Variants in FLI1 observed in about 807,000 individuals in gnomAD.
The protein encoded by FLI1 is Friend leukemia integration 1 transcription factor.
FLI1 carries 13 observed loss-of-function variants against 53.1 expected under a neutral mutation model. The ratio of observed to expected loss-of-function variants is 0.24; its 90% confidence interval spans 0.16 to 0.39. FLI1 has a LOEUF of 0.39. Ranked by LOEUF, FLI1 falls within the 10% of genes least tolerant of loss-of-function variation. The pLI, the probability that FLI1 is intolerant of heterozygous loss-of-function variation, is 1.00. For synonymous variants in FLI1, 244 were observed against 236.7 expected (o/e 1.03, Z -0.28); for missense variants, 424 against 600.5 (o/e 0.71, Z 3.07).
chr11:128,732,009 A>AG (rs146413451), intron 1 of FLI1, among the ~76,000 whole-genome samples: 2,294 of 151,710 alleles, frequency 0.015, 64 homozygotes, highest in African/African-American at 0.052. Flanking sequence ...TCTCAAAAAA[A>AG]AAAAGAAAAG....
At chr11:128,805,766 T>C (rs563717812) in intron 6 of FLI1, 45 of 227,080 alleles carry the variant, frequency 2.0e-4, no homozygotes, top group African/African-American at 1.0e-3. Flanking sequence ...TGACTCTCTA[T>C]AATTTTGCTC....
rs754336205 is a variant in FLI1, at chr11:128,810,923, C to T, written c.1294C>T (p.Pro432Ser). Residue 432 changes from proline to serine, a missense_variant, in exon 9 of 9, where the codon CCC becomes TCC. Around this residue, in one of 5 missense-constraint regions of FLI1, gnomAD observed 87 missense variants for 100.0 expected, o/e 0.87. Coordinates refer to ENST00000527786, the MANE Select transcript of FLI1 (RefSeq NM_002017.5). The surrounding 1 kb of genome is among the most constrained non-coding windows in gnomAD (Gnocchi z 6.6). ...GACCTCCCCCACGGGGGGAATCTAC[C>T]CCAACCCCAACGTCCCCCGCCATCC... ...YWTSPTGGIY[P>S]NPNVPRHPNT... The T allele has an allele frequency of 6.2e-7, 1 of 1,614,008 alleles. No homozygotes were observed. Among genetic ancestry groups the T allele is most frequent in the Non-Finnish European group, 8.5e-7 (1 of 1,179,890 alleles).
At position 128,713,684 on chromosome 11, in the gene FLI1, G is replaced by T. The variant is rs140359057; in HGVS notation, c.18+19408G>T. ...AGGGTTCTATGAAAGGGGAAGTATG[G>T]GGTGCCTCGGGAGGGCACAACGTGG... is the stretch of plus-strand genomic sequence containing the variant. On this transcript the variant is annotated intron_variant, in intron 1 of 8. Coordinates refer to ENST00000527786, the MANE Select transcript of FLI1 (RefSeq NM_002017.5). 3.9e-3 allele frequency among the ~76,000 whole-genome samples: 589 copies of T among 152,166 alleles called. 1 individual carries two copies. The highest frequency in any genetic ancestry group is 0.013 in the African/African-American group (540 of 41,504).
chr11:128,741,993 G>A (rs77228550), intron 1 of FLI1, among the ~76,000 whole-genome samples: 1 of 152,198 alleles, frequency 6.6e-6, no homozygotes, highest in Middle Eastern at 3.4e-3. Context: ...GGACCTTATT[G>A]TTATTTCATC....
At chr11:128,789,770 G>A (rs116978987) in intron 5 of FLI1, among the ~76,000 whole-genome samples, 28 of 152,092 alleles carry the variant, frequency 1.8e-4, no homozygotes, top group South Asian at 6.2e-4. Context: ...AGAGTGCAGC[G>A]TATGGGGGCT....
intron 1 of FLI1, among the ~76,000 whole-genome samples, chr11:128,743,513 G>A (rs548529011): frequency 7.2e-5 from 11 of 152,230 alleles, no homozygotes; most frequent in South Asian, 6.2e-4. Context: ...TTTTTGAGGC[G>A]GTTTGGGACA....
At chr11:128,685,961 G>A (rs1482262995), upstream of FLI1, 4 of 188,444 alleles carry the variant, frequency 2.1e-5, no homozygotes, top group Admixed American at 2.2e-4. Context: ...ACCTAAGTAA[G>A]ACTCTCCTGC....
chr11:128,732,014 G>A (rs924010230), intron 1 of FLI1, among the ~76,000 whole-genome samples: 2 of 135,226 alleles, frequency 1.5e-5, no homozygotes, highest in African/African-American at 2.9e-5. Flanking sequence ...AAAAAAAAAA[G>A]AAAAGAAAAG....
At chr11:128,721,580 C>T (rs1418855543) in intron 1 of FLI1, among the ~76,000 whole-genome samples, 2 of 152,184 alleles carry the variant, frequency 1.3e-5, no homozygotes, top group Non-Finnish European at 2.9e-5. Flanking sequence ...TCTCTTTATA[C>T]AAGATCAATT....
chr11:128,689,398 C>G (rs551184722), upstream of FLI1, among the ~76,000 whole-genome samples: 3 of 152,230 alleles, frequency 2.0e-5, no homozygotes, highest in African/African-American at 7.2e-5. Context: ...TCCTTTTTTT[C>G]TCCTTGTGTA....
intron 2 of FLI1, among the ~76,000 whole-genome samples, chr11:128,762,198 C>A (rs905093654): frequency 6.6e-6 from 1 of 152,330 alleles, no homozygotes; most frequent in Admixed American, 6.5e-5. Context: ...GAACACTGTG[C>A]TTCTCCTATC....
At chr11:128,797,734 A>G (rs1458984224) in intron 5 of FLI1, among the ~76,000 whole-genome samples, 4 of 152,230 alleles carry the variant, frequency 2.6e-5, no homozygotes, top group Admixed American at 6.5e-5. Flanking sequence ...ATAAGGCATC[A>G]ATTAAATCCA....
chr11:128,715,063 T>C (rs1938954841), intron 1 of FLI1, among the ~76,000 whole-genome samples: 1 of 152,118 alleles, frequency 6.6e-6, no homozygotes, highest in Non-Finnish European at 1.5e-5. Context: ...CCATCTATCA[T>C]GACTCGCACG....
rs12289432 is a variant in FLI1 at position 128,729,313 on chromosome 11, G to C, written c.19-28802G>C. ...GATTTATCTCACAGGTGGGAGGGAA[G>C]AACTGCTGGCAACCCTTCTCTCAGG... On this transcript the variant is annotated intron_variant, in intron 1 of 8. Transcript: ENST00000527786. Among the ~76,000 whole-genome samples the C allele has an allele frequency of 9.3e-3, 1,411 of 152,314 alleles. 19 individuals carry two copies. The highest frequency in any genetic ancestry group is 0.032 in the African/African-American group (1,340 of 41,564).
chr11:128,711,440 T>C (rs1431672391), intron 1 of FLI1, among the ~76,000 whole-genome samples: 1 of 152,236 alleles, frequency 6.6e-6, no homozygotes, highest in East Asian at 1.9e-4. Context: ...GGAGCTAAGT[T>C]TTCTATCCCG....
At chr11:128,808,729 A>T (rs199908816) in intron 7 of FLI1, among the ~76,000 whole-genome samples, 2 of 139,998 alleles carry the variant, frequency 1.4e-5, no homozygotes, top group African/African-American at 2.8e-5. Flanking sequence ...TGCTACATTT[A>T]AAAAAAAAAA....
chr11:128,776,277 C>CG (rs1263211980), intron 4 of FLI1, among the ~76,000 whole-genome samples: 1 of 151,806 alleles, frequency 6.6e-6, no homozygotes. Flanking sequence ...CACACAGGCG[C>CG]CCACCCCTCC....
chr11:128,768,242 A>G lies in FLI1; in HGVS notation c.355A>G (p.Thr119Ala). The change falls in exon 3 of 9, where the codon ACC becomes GCC. Residue 119 changes from threonine (T) to alanine (A), a missense_variant. Physicochemically the swap from Thr to Ala is moderately conservative, Grantham distance 58. This residue lies in a region of FLI1 where 137 missense variants were observed against 169.1 expected (regional missense o/e 0.81). Transcript: ENST00000527786. ...KNGPPPPNMT[T>A]NERRVIVPAD... ...TGGCCCCCCTCCTCCCAACATGACC[A>G]CCAACGAGAGGAGAGTCATCGTCCC... 2 of 1,613,870 alleles carry G rather than the reference A, an allele frequency of 1.2e-6. No homozygotes were observed. The highest frequency in any genetic ancestry group is 2.2e-5 in the South Asian group (2 of 91,070).
chr11:128,774,701 G>A lies in FLI1; in HGVS notation c.589+1716G>A, dbSNP rs538067458. Among the ~76,000 whole-genome samples the A allele has an allele frequency of 3.3e-5, 5 of 152,294 alleles. No individual in the cohort carries two copies. In the South Asian group the frequency reaches 6.2e-4, roughly 19 times the overall value. ...GCCCAGTGCTTCGAGACTCTTCGGC[G>A]GATGCCCTTGTTGGGAGAATGTTCA... On this transcript the variant is annotated intron_variant, in intron 4 of 8. Transcript: ENST00000527786.
Sources: gnomAD v4.1 joint callset for allele counts (sites outside exome capture counted in the v4.1 genomes callset) on GRCh38, gnomAD v4.1.1 for gene constraint, gnomAD v4.1.1 regional missense constraint, Gnocchi (gnomAD v3.1) non-coding constraint, MANE v1.5 for transcripts, NCBI Gene and HGNC (gene_info 2026-07-23, HGNC 2026-07-21) for gene names.